TMEM67: variants seen among roughly 807,000 people sequenced by gnomAD.
The protein encoded by TMEM67 is meckelin.
Under a neutral mutation model 136.6 loss-of-function variants are expected in TMEM67, and 124 were observed. The ratio of observed to expected loss-of-function variants is 0.91; its 90% CI spans 0.78 to 1.05. The LOEUF is 1.05. Ranked by LOEUF, TMEM67 falls within the 50% of genes least tolerant of loss-of-function variation. The pLI is 0.00. For missense variants in TMEM67, 1,107 were observed against 1,178.4 expected, an observed-to-expected ratio of 0.94 and a Z score of 0.89; for synonymous variants, 364 against 390.5, an observed-to-expected ratio of 0.93 and a Z score of 0.80.
intron 7 of TMEM67, among the ~76,000 whole-genome samples, chr8:93,775,687 C>G (rs1022779127): frequency 1.3e-5 from 2 of 152,084 alleles, no homozygotes; most frequent in African/African-American, 4.8e-5. Context: ...ATTTCTGAGG[C>G]CTCTGTTCTG....
chr8:93,782,683 C>T (rs2130674482), intron 11 of TMEM67, among the ~76,000 whole-genome samples: 2 of 149,034 alleles, frequency 1.3e-5, no homozygotes, highest in South Asian at 4.3e-4. Flanking sequence ...AAGTGATTCT[C>T]CTGCCTCAGC....
Position 93,808,764 on chromosome 8 carries a change from A to C in TMEM67, c.2440-76A>C, listed in dbSNP as rs1025924879. ...TGTAATATGTGATAACAGCTAAAAA[A>C]AAGTTCTGTATTTTCTTTTTGAGGC... On this transcript the variant is annotated intron_variant, in intron 23 of 27. Transcript: ENST00000453321. The C allele has an allele frequency of 5.6e-6, 5 of 897,674 alleles. No homozygotes were observed. In the African/African-American group the frequency reaches 6.6e-5, roughly 12 times the overall value. 55.6% of individuals were successfully genotyped at this position (897,674 alleles called of 1,614,324 possible). A position where few individuals can be genotyped will look rare whatever the true frequency, so the allele number is the denominator to read the frequency against.
Position 93,809,428 on chromosome 8 carries a change from T to A in TMEM67, c.2661+267T>A, listed in dbSNP as rs1301165039. ...AAATTTTATGTGTCTGTTAACATAA[T>A]CATGATTCCCTTAAACTATGTCTGC... is the stretch of plus-strand genomic sequence containing the variant. On this transcript the variant is annotated intron_variant, in intron 25 of 27. Transcript: ENST00000453321. 1.3e-5 allele frequency among the ~76,000 whole-genome samples: 2 copies of A among 152,190 alleles called. 1 individual carries two copies. The highest frequency in any genetic ancestry group is 1.3e-4 in the Admixed American group (2 of 15,272).
intron 26 of TMEM67, 180 bp downstream of exon 26, chr8:93,810,067 C>T (rs536857195): frequency 4.9e-5 from 21 of 430,824 alleles, no homozygotes; most frequent in Non-Finnish European, 7.5e-5. Context: ...CTCCCGGGTT[C>T]ATGCCATTCT....
At chr8:93,790,490 T>C (rs1282507769) in intron 14 of TMEM67, among the ~76,000 whole-genome samples, 1 of 152,206 alleles carries the variant, frequency 6.6e-6, no homozygotes, top group Non-Finnish European at 1.5e-5. Context: ...AACTCTGAGA[T>C]TGCCTTATCT....
In TMEM67 at chr8:93,799,708, T is replaced by G. The variant is rs761552776; in HGVS notation, c.2191T>G (p.Leu731Val). The G allele has an allele frequency of 6.2e-7, 1 of 1,613,878 alleles. No individual in the cohort carries two copies. The highest frequency in any genetic ancestry group is 8.5e-7 in the Non-Finnish European group (1 of 1,179,808). ...PSYIAPYSCI[L>V]RYAVSAALWL... The stretch of plus-strand genomic sequence containing the variant: ...CTACATAGCTCCTTATAGCTGCATT[T>G]TGAGATATGCAGTGTCTGCTGCTCT... The change falls in exon 21 of 28, where the codon TTG (leucine) becomes GTG (valine). Residue 731 changes from leucine (L) to valine (V), a missense_variant. Leu to Val is a conservative substitution (Grantham distance 32). Transcript: ENST00000453321.
intron 10 of TMEM67, among the ~76,000 whole-genome samples, 191 bp downstream of exon 10, chr8:93,781,935 T>C (rs1273961709): frequency 6.6e-6 from 1 of 152,164 alleles, no homozygotes; most frequent in Non-Finnish European, 1.5e-5. Context: ...TCTTTTTTTT[T>C]TGAGATGGAG....
At chr8:93,764,905 T>C (rs1032195765) in intron 4 of TMEM67, among the ~76,000 whole-genome samples, 3 of 152,178 alleles carry the variant, frequency 2.0e-5, no homozygotes, top group African/African-American at 7.2e-5. Flanking sequence ...CATTCATTAA[T>C]GAAAAATATG....
At chr8:93,822,115 C>T (rs767238905), downstream of TMEM67, among the ~76,000 whole-genome samples, 2 of 152,172 alleles carry the variant, frequency 1.3e-5, no homozygotes, top group African/African-American at 2.4e-5. Context: ...ACAAAGCACT[C>T]CTGTCCTGAA....
intron 27 of TMEM67, 80 bp downstream of exon 27, chr8:93,815,527 G>A: frequency 1.6e-6 from 2 of 1,272,248 alleles, no homozygotes; most frequent in East Asian, 4.7e-5. Flanking sequence ...TCATAGCAGA[G>A]AGTAACAATG....
chr8:93,759,620 A>G (rs971094335), intron 3 of TMEM67: 2 of 158,500 alleles, frequency 1.3e-5, no homozygotes, highest in African/African-American at 4.8e-5. Context: ...ATAAGTAGGC[A>G]TATCCTTTTT....
intron 7 of TMEM67, among the ~76,000 whole-genome samples, chr8:93,775,887 A>G (rs1226500583): frequency 6.6e-6 from 1 of 152,130 alleles, no homozygotes; most frequent in Non-Finnish European, 1.5e-5. Context: ...CAATTCTGTG[A>G]AGAAAGTCAT....
rs1461963097 is a variant in TMEM67 at position 93,780,997 on chromosome 8, TATC to T, written c.978+18_978+20del. 5 of 1,411,770 alleles carry T rather than the reference TATC, an allele frequency of 3.5e-6. No individual in the cohort carries two copies. The highest frequency in any genetic ancestry group is 5.0e-6 in the Non-Finnish European group (5 of 997,250). 87.5% of individuals were successfully genotyped at this position (1,411,770 alleles called of 1,614,324 possible). A position where few individuals can be genotyped will look rare whatever the true frequency, so the allele number is the denominator to read the frequency against. ...GAGAAAACCAGGTAAAAGTGTCTAATATCATTAGAGGATAACTACATTTTGATT... is the reference window on the plus strand; with the variant it reads ...GAGAAAACCAGGTAAAAGTGTCTAATATTAGAGGATAACTACATTTTGATT... On this transcript the variant is annotated intron_variant, in intron 9 of 27. Coordinates refer to ENST00000453321, the MANE Select transcript of TMEM67 (RefSeq NM_153704.6).
chr8:93,793,424 A>G, intron 16 of TMEM67, 128 bp downstream of exon 16: 1 of 779,312 alleles, frequency 1.3e-6, no homozygotes, highest in Non-Finnish European at 2.2e-6. Flanking sequence ...AATTAGGGTA[A>G]GTATTGCTGG....
intron 6 of TMEM67, among the ~76,000 whole-genome samples, chr8:93,769,090 C>T (rs1323032213): frequency 6.6e-6 from 1 of 152,192 alleles, no homozygotes; most frequent in Non-Finnish European, 1.5e-5. Flanking sequence ...ACTGCCCAGC[C>T]TGGGGCACCT....
At chr8:93,783,818 A>G (rs574826730) in intron 11 of TMEM67, among the ~76,000 whole-genome samples, 9 of 146,846 alleles carry the variant, frequency 6.1e-5, no homozygotes, top group Admixed American at 6.0e-4. Context: ...AAAACCATCA[A>G]TCTCATGAGA....
At chr8:93,813,919 G>T (rs919410871) in intron 26 of TMEM67, among the ~76,000 whole-genome samples, 3 of 152,080 alleles carry the variant, frequency 2.0e-5, no homozygotes, top group Admixed American at 1.3e-4. Flanking sequence ...AGTGTAATGT[G>T]CATATTTTGT....
chr8:93,816,043 CTA>C (rs1046941889), intron 27 of TMEM67, among the ~76,000 whole-genome samples: 8 of 152,324 alleles, frequency 5.3e-5, no homozygotes, highest in African/African-American at 1.9e-4. Context: ...TGAAGAAATT[CTA>C]TCTCTAGTGA....
intron 3 of TMEM67, among the ~76,000 whole-genome samples, chr8:93,762,294 T>C (rs2130567414): frequency 6.6e-6 from 1 of 152,196 alleles, no homozygotes; most frequent in Middle Eastern, 3.4e-3. Context: ...CTTTTATTTT[T>C]ATATTTCATA....
Sources: allele counts gnomAD v4.1 joint callset (sites outside exome capture counted in the v4.1 genomes callset), GRCh38; gene constraint gnomAD v4.1.1; transcripts MANE v1.5; gene names NCBI Gene and HGNC (gene_info 2026-07-23, HGNC 2026-07-21).